Variants in FOXD3 observed in about 807,000 individuals in gnomAD.
FOXD3 encodes forkhead box protein D3.
In FOXD3, 3 loss-of-function variants were observed where a neutral mutation model predicts 3.6. The ratio of observed to expected loss-of-function variants is 0.84; its 90% confidence interval spans 0.38 to 2.18. FOXD3 has a LOEUF of 2.18. FOXD3 is among the 30% of genes most tolerant of loss of function. The pLI is 0.06. For synonymous variants in FOXD3, 391 were observed against 360.9 expected, an observed-to-expected ratio of 1.08 and a Z score of -0.94; for missense variants, 686 against 731.6, an observed-to-expected ratio of 0.94 and a Z score of 0.72.
Position 63,323,233 on chromosome 1 carries a change from G to T in FOXD3, c.175G>T (p.Asp59Tyr), listed in dbSNP as rs909824643. The change falls in exon 1 of 1, where the codon GAC (aspartate) becomes TAC (tyrosine). Residue 59 changes from aspartate to tyrosine, a missense_variant. Physicochemically the swap from Asp to Tyr is radical, Grantham distance 160 (BLOSUM62 -3). Coordinates refer to ENST00000371116, the MANE Select transcript of FOXD3 (RefSeq NM_012183.3). The surrounding 1 kb of genome is among the most constrained non-coding windows in gnomAD (Gnocchi z 6.8). Reference protein sequence around the residue: ...GPPELRLDEADEVPPAAPHHG... With the variant: ...GPPELRLDEAYEVPPAAPHHG... ...GCCGGAGCTGCGCCTGGACGAGGCG[G>T]ACGAGGTGCCCCCGGCGGCACCCCA... 3 of 1,525,682 alleles carry T rather than the reference G, an allele frequency of 2.0e-6. No individual in the cohort carries two copies. Among genetic ancestry groups the T allele is most frequent in the Non-Finnish European group, 2.6e-6 (3 of 1,137,292 alleles). The allele number at this position is 1,525,682 out of a possible 1,614,324, so 94.5% of individuals were successfully genotyped here.
chr1:63,322,951 ATC>A lies in FOXD3; in HGVS notation c.-106_-105del. ...GCCCCCTCCCCTCTCCCTGCCCCCC[ATC>A]TTTCGGGGGCACTCAAACCCTCTTC... On this transcript the variant is annotated 5_prime_UTR_variant, in exon 1 of 1. Coordinates refer to ENST00000371116, the MANE Select transcript of FOXD3 (RefSeq NM_012183.3). 1 of 1,394,442 alleles carries A rather than the reference ATC, an allele frequency of 7.2e-7. No individual in the cohort carries two copies. The highest frequency in any genetic ancestry group is 9.3e-7 in the Non-Finnish European group (1 of 1,077,978). 86.4% of individuals were successfully genotyped at this position (1,394,442 alleles called of 1,614,324 possible).
rs374048887 is a variant in FOXD3, at chr1:63,323,249, C to T, written c.191C>T (p.Ala64Val). ...GACGAGGCGGACGAGGTGCCCCCGG[C>T]GGCACCCCATCACGGACAGCCTCAG... is the stretch of plus-strand genomic sequence containing the variant. ...RLDEADEVPP[A>V]APHHGQPQPP... is the part of the protein sequence containing the mutation. The change falls in exon 1 of 1, where the codon GCG becomes GTG. Residue 64 changes from alanine to valine, a missense_variant. Ala to Val is a moderately conservative substitution (Grantham distance 64, BLOSUM62 0). Transcript: ENST00000371116. This position sits in a 1 kb window ranked among gnomAD's most constrained non-coding sequence, Gnocchi z 6.8. The T allele has an allele frequency of 7.2e-6, 11 of 1,520,136 alleles. No homozygotes were observed. In the East Asian group the frequency reaches 1.4e-4, roughly 19 times the overall value. 94.2% of individuals were successfully genotyped at this position (1,520,136 alleles called of 1,614,324 possible).
chr1:63,323,949 T>TGCG lies in FOXD3; in HGVS notation c.898_900dup (p.Ala300dup). The TGCG allele has an allele frequency of 8.0e-7, 1 of 1,242,728 alleles. No homozygotes were observed. The highest frequency in any genetic ancestry group is 3.4e-5 in the East Asian group (1 of 29,220). The allele number at this position is 1,242,728 out of a possible 1,614,324, so 77.0% of individuals were successfully genotyped here. ...CGGCAGCGGCGGCGGCCGCGGCTGC[T>TGCG]GCGGCGGCGCTCCAGTACCCGTACG... On this transcript the variant is annotated inframe_insertion, in exon 1 of 1. Coordinates refer to ENST00000371116, the MANE Select transcript of FOXD3 (RefSeq NM_012183.3). This position sits in a 1 kb window ranked among gnomAD's most constrained non-coding sequence, Gnocchi z 6.8.
In FOXD3 at chr1:63,323,301, G is replaced by A. The variant is rs1438888473; in HGVS notation, c.243G>A (p.Leu81=). The A allele has an allele frequency of 4.3e-6, 6 of 1,410,610 alleles. No individual in the cohort carries two copies. The highest frequency in any genetic ancestry group is 5.5e-6 in the Non-Finnish European group (6 of 1,086,346). The allele number at this position is 1,410,610 out of a possible 1,614,324, so 87.4% of individuals were successfully genotyped here. ...PQPPHQQPLT[L]PKEAAGAGAG... ...CGCCCCACCAGCAGCCCCTGACATT[G>A]CCCAAGGAGGCGGCCGGAGCCGGGG... Residue 81 remains leucine, a synonymous_variant, in exon 1 of 1, where the codon TTG becomes TTA. Transcript: ENST00000371116. This position sits in a 1 kb window ranked among gnomAD's most constrained non-coding sequence, Gnocchi z 6.8.
At position 63,323,982 on chromosome 1, in the gene FOXD3, G is replaced by T; in HGVS notation, c.924G>T (p.Pro308=). ...CGCTCCAGTACCCGTACGCGCTGCCGCCGGTGGCACCGGTGCTGCCTCCCG... is the reference window on the plus strand; with the variant it reads ...CGCTCCAGTACCCGTACGCGCTGCCTCCGGTGGCACCGGTGCTGCCTCCCG... ...AAALQYPYAL[P]PVAPVLPPAV... Residue 308 remains proline, a synonymous_variant, in exon 1 of 1, where the codon CCG becomes CCT. Coordinates refer to ENST00000371116, the MANE Select transcript of FOXD3 (RefSeq NM_012183.3). This position sits in a 1 kb window ranked among gnomAD's most constrained non-coding sequence, Gnocchi z 6.8. The T allele has an allele frequency of 7.8e-6, 10 of 1,274,992 alleles. No individual in the cohort carries two copies. Among genetic ancestry groups the T allele is most frequent in the Non-Finnish European group, 9.8e-6 (10 of 1,015,822 alleles). The allele number at this position is 1,274,992 out of a possible 1,614,324, so 79.0% of individuals were successfully genotyped here.
chr1:63,323,409 C>G lies in FOXD3; in HGVS notation c.351C>G (p.Gly117=). Residue 117 remains glycine, a synonymous_variant, in exon 1 of 1, where the codon GGC becomes GGG. Coordinates refer to ENST00000371116, the MANE Select transcript of FOXD3 (RefSeq NM_012183.3). This position sits in a 1 kb window ranked among gnomAD's most constrained non-coding sequence, Gnocchi z 6.8. ...GCGGCGAGGAGGGCGGCGCGAGCGG[C>G]GGCGGGCCTGGCGCGGGCAGCGGTT... is the stretch of plus-strand genomic sequence containing the variant. ...GVGGEEGGAS[G]GGPGAGSGSA... is the part of the protein sequence containing the mutation. The G allele has an allele frequency of 6.7e-7, 1 of 1,482,572 alleles. No individual in the cohort carries two copies. The highest frequency in any genetic ancestry group is 8.9e-7 in the Non-Finnish European group (1 of 1,121,024). 91.8% of individuals were successfully genotyped at this position (1,482,572 alleles called of 1,614,324 possible). A position where few individuals can be genotyped will look rare whatever the true frequency, so the allele number is the denominator to read the frequency against.
In FOXD3 at chr1:63,324,483, G is replaced by A. The variant is rs1647060334; in HGVS notation, c.1425G>A (p.Trp475Ter). ...CTGCGGCCGCCGCTCAAGCCAAATG[G>A]CCGGCGCAATAGGGACGCGCCAATG... ...AAAAAAAQAK[W>*]PAQ is the part of the protein sequence containing the mutation. The change falls in exon 1 of 1, where the codon TGG (tryptophan) becomes TGA (stop). Residue 475 changes from tryptophan to a stop codon, truncating the protein, a stop_gained. Coordinates refer to ENST00000371116, the MANE Select transcript of FOXD3 (RefSeq NM_012183.3). LOFTEE classifies it high-confidence loss of function. The surrounding 1 kb of genome is among the most constrained non-coding windows in gnomAD (Gnocchi z 4.1). The A allele has an allele frequency of 1.3e-6, 2 of 1,538,770 alleles. No homozygotes were observed. Among genetic ancestry groups the A allele is most frequent in the Non-Finnish European group, 1.7e-6 (2 of 1,148,142 alleles).
Position 63,323,928 on chromosome 1 carries a change from AGCGGCGGCGGCCGCGGCTGCT to A in FOXD3, c.880_900del (p.Ala294_Ala300del), listed in dbSNP as rs1375394513. 1.8e-5 allele frequency: 23 copies of A among 1,252,190 alleles called. 1 individual carries two copies. The East Asian group carries it at 2.7e-4, about 14-fold the overall frequency. 77.6% of individuals were successfully genotyped at this position (1,252,190 alleles called of 1,614,324 possible). ...CGGCCGGTGCCTATTCGCACCCGGC[AGCGGCGGCGGCCGCGGCTGCT>A]GCGGCGGCGCTCCAGTACCCGTACG... On this transcript the variant is annotated inframe_deletion, in exon 1 of 1. Transcript: ENST00000371116. The surrounding 1 kb of genome is among the most constrained non-coding windows in gnomAD (Gnocchi z 6.8).
Position 63,324,044 on chromosome 1 carries a change from A to C in FOXD3, c.986A>C (p.Lys329Thr). 7.2e-7 allele frequency: 1 copy of C among 1,382,850 alleles called. No individual in the cohort carries two copies. Among genetic ancestry groups the C allele is most frequent in the Non-Finnish European group, 9.3e-7 (1 of 1,075,858 alleles). The allele number at this position is 1,382,850 out of a possible 1,614,324, so 85.7% of individuals were successfully genotyped here. A position where few individuals can be genotyped will look rare whatever the true frequency, so the allele number is the denominator to read the frequency against. Residue 329 changes from lysine to threonine, a missense_variant, in exon 1 of 1, where the codon AAA (lysine) becomes ACA (threonine). This residue lies in a region of FOXD3 where 370 missense variants were observed against 372.3 expected (regional missense o/e 0.99). Transcript: ENST00000371116. This position sits in a 1 kb window ranked among gnomAD's most constrained non-coding sequence, Gnocchi z 4.1. Reference sequence around the variant, plus strand: ...CTGCCCTCGGGCGAGCTGGGCCGCAAAGCGGCCGCCTTCGGCTCACAGCTC... The same window carrying C: ...CTGCCCTCGGGCGAGCTGGGCCGCACAGCGGCCGCCTTCGGCTCACAGCTC... ...PLLPSGELGR[K>T]AAAFGSQLGP...
chr1:63,322,904 A>G lies in FOXD3; in HGVS notation c.-155A>G. On this transcript the variant is annotated 5_prime_UTR_variant, in exon 1 of 1. Coordinates refer to ENST00000371116, the MANE Select transcript of FOXD3 (RefSeq NM_012183.3). ...GGGCCGCCGAGTGTGAGCTGAGCCC[A>G]GCGGGCCCCAAGCCACCTGCGGCCC... 2 of 1,386,740 alleles carry G rather than the reference A, an allele frequency of 1.4e-6. No homozygotes were observed. Among genetic ancestry groups the G allele is most frequent in the Non-Finnish European group, 1.9e-6 (2 of 1,077,114 alleles). The allele number at this position is 1,386,740 out of a possible 1,614,324, so 85.9% of individuals were successfully genotyped here.
Position 63,323,993 on chromosome 1 carries a change from C to A in FOXD3, c.935C>A (p.Pro312Gln), listed in dbSNP as rs1647052668. 4 of 1,292,262 alleles carry A rather than the reference C, an allele frequency of 3.1e-6. No individual in the cohort carries two copies. Among genetic ancestry groups the A allele is most frequent in the Non-Finnish European group, 3.9e-6 (4 of 1,024,866 alleles). 80.0% of individuals were successfully genotyped at this position (1,292,262 alleles called of 1,614,324 possible). Residue 312 changes from proline to glutamine, a missense_variant, in exon 1 of 1, where the codon CCG becomes CAG. By Grantham distance (76) the Pro-to-Gln change is moderately conservative. This residue lies in a region of FOXD3 where 370 missense variants were observed against 372.3 expected (regional missense o/e 0.99). Transcript: ENST00000371116. This position sits in a 1 kb window ranked among gnomAD's most constrained non-coding sequence, Gnocchi z 6.8. Reference protein sequence around the residue: ...QYPYALPPVAPVLPPAVPLLP... With the variant: ...QYPYALPPVAQVLPPAVPLLP... ...CCGTACGCGCTGCCGCCGGTGGCAC[C>A]GGTGCTGCCTCCCGCTGTGCCGCTG... is the stretch of plus-strand genomic sequence containing the variant.
chr1:63,324,108 C>A lies in FOXD3; in HGVS notation c.1050C>A (p.Ala350=). ...AGCTGCAGCTCAATAGCCTGGGCGC[C>A]GCCGCGGCCGCTGCGGGCACAGCGG... ...GLQLQLNSLG[A]AAAAAGTAGA... Residue 350 remains alanine, a synonymous_variant, in exon 1 of 1, where the codon GCC becomes GCA. Transcript: ENST00000371116. This position sits in a 1 kb window ranked among gnomAD's most constrained non-coding sequence, Gnocchi z 4.1. The A allele has an allele frequency of 7.0e-7, 1 of 1,430,346 alleles. No homozygotes were observed. Among genetic ancestry groups the A allele is most frequent in the Non-Finnish European group, 9.0e-7 (1 of 1,105,218 alleles). 88.6% of individuals were successfully genotyped at this position (1,430,346 alleles called of 1,614,324 possible).
rs1367454345 is a variant in FOXD3, at chr1:63,324,648, A to ACGC, written c.*155_*157dup. On this transcript the variant is annotated 3_prime_UTR_variant, in exon 1 of 1. Transcript: ENST00000371116. The surrounding 1 kb of genome is among the most constrained non-coding windows in gnomAD (Gnocchi z 4.1). ...CAATTTCCTTTCCCCTGAGCCCCCA[A>ACGC]CGCCTACCTTCCGCGGCCTCCATCC... 9.4e-6 allele frequency: 6 copies of ACGC among 635,898 alleles called. No individual in the cohort carries two copies. Among genetic ancestry groups the ACGC allele is most frequent in the Non-Finnish European group, 1.6e-5 (6 of 364,854 alleles). 39.4% of individuals were successfully genotyped at this position (635,898 alleles called of 1,614,324 possible).
Position 63,322,636 on chromosome 1 carries a change from C to T in FOXD3, c.-423C>T. 1 of 954,816 alleles carries T rather than the reference C, an allele frequency of 1.0e-6. No individual in the cohort carries two copies. The highest frequency in any genetic ancestry group is 1.2e-6 in the Non-Finnish European group (1 of 802,092). 59.1% of individuals were successfully genotyped at this position (954,816 alleles called of 1,614,324 possible). ...CACCCAGCCCCCTGCCCCCCCGCTA[C>T]TGTCCCTGCCCGCGCCCTCCCGAGC... On this transcript the variant is annotated 5_prime_UTR_variant, in exon 1 of 1. Coordinates refer to ENST00000371116, the MANE Select transcript of FOXD3 (RefSeq NM_012183.3).
rs772474698 is a variant in FOXD3, at chr1:63,323,655, C to T, written c.597C>T (p.Phe199=). 1.2e-6 allele frequency: 2 copies of T among 1,614,044 alleles called. No individual in the cohort carries two copies. Among genetic ancestry groups the T allele is most frequent in the East Asian group, 2.2e-5 (1 of 44,846 alleles). Residue 199 remains phenylalanine, a synonymous_variant, in exon 1 of 1, where the codon TTC becomes TTT. Transcript: ENST00000371116. The surrounding 1 kb of genome is among the most constrained non-coding windows in gnomAD (Gnocchi z 6.8). ...IRHNLSLNDC[F]VKIPREPGNP... is the part of the protein sequence containing the mutation. The stretch of plus-strand genomic sequence containing the variant: ...ACAACCTCTCACTCAACGACTGCTT[C>T]GTCAAGATCCCCCGCGAGCCGGGCA...
chr1:63,324,456 T>G lies in FOXD3; in HGVS notation c.1398T>G (p.Ala466=). The change falls in exon 1 of 1, where the codon GCT becomes GCG. Residue 466 remains alanine (A), a synonymous_variant. Transcript: ENST00000371116. The surrounding 1 kb of genome is among the most constrained non-coding windows in gnomAD (Gnocchi z 4.1). Reference sequence around the variant, plus strand: ...AGCCCGCAGCCTCGGCCGCCGCCGCTGCTGCGGCCGCCGCTCAAGCCAAAT... The same window carrying G: ...AGCCCGCAGCCTCGGCCGCCGCCGCGGCTGCGGCCGCCGCTCAAGCCAAAT... ...FLQPAASAAA[A]AAAAAQAKWP... The G allele has an allele frequency of 6.5e-7, 1 of 1,537,872 alleles. No homozygotes were observed. The highest frequency in any genetic ancestry group is 1.4e-5 in the African/African-American group (1 of 72,998).
chr1:63,323,211 G>T lies in FOXD3; in HGVS notation c.153G>T (p.Pro51=). 1 of 1,537,218 alleles carries T rather than the reference G, an allele frequency of 6.5e-7. No homozygotes were observed. Among genetic ancestry groups the T allele is most frequent in the Non-Finnish European group, 8.7e-7 (1 of 1,143,076 alleles). Residue 51 remains proline (P), a synonymous_variant, in exon 1 of 1, where the codon CCG becomes CCT. Coordinates refer to ENST00000371116, the MANE Select transcript of FOXD3 (RefSeq NM_012183.3). This position sits in a 1 kb window ranked among gnomAD's most constrained non-coding sequence, Gnocchi z 6.8. ...DAGCDSPAGP[P]ELRLDEADEV... The stretch of plus-strand genomic sequence containing the variant: ...GTTGCGATAGCCCCGCGGGGCCGCC[G>T]GAGCTGCGCCTGGACGAGGCGGACG...
rs755510236 is a variant in FOXD3, at chr1:63,323,097, C to A, written c.39C>A (p.Ser13=). The stretch of plus-strand genomic sequence containing the variant: ...GCGGCGGCAGCGCCAGCGACATGTC[C>A]GGCCAGACGGTGCTGACGGCCGAGG... The part of the protein sequence containing the change: ...LSGGGSASDM[S]GQTVLTAEDV... Residue 13 remains serine (S), a synonymous_variant, in exon 1 of 1, where the codon TCC becomes TCA. Transcript: ENST00000371116. This position sits in a 1 kb window ranked among gnomAD's most constrained non-coding sequence, Gnocchi z 6.8. The A allele has an allele frequency of 6.4e-7, 1 of 1,562,234 alleles. No individual in the cohort carries two copies. Among genetic ancestry groups the A allele is most frequent in the South Asian group, 1.2e-5 (1 of 85,476 alleles).
In FOXD3 at chr1:63,324,321, G is replaced by T. The variant is rs1462971326; in HGVS notation, c.1263G>T (p.Gly421=). Reference sequence around the variant, plus strand: ...CGCAGTCGTTTCTGCGGCCACCCGGGACCGTGCAGTCGGCAGCGCTCATGG... The same window carrying T: ...CGCAGTCGTTTCTGCGGCCACCCGGTACCGTGCAGTCGGCAGCGCTCATGG... ...STAQSFLRPP[G]TVQSAALMAT... The change falls in exon 1 of 1, where the codon GGG becomes GGT. Residue 421 remains glycine (G), a synonymous_variant. Transcript: ENST00000371116. This position sits in a 1 kb window ranked among gnomAD's most constrained non-coding sequence, Gnocchi z 4.1. The T allele has an allele frequency of 6.3e-7, 1 of 1,576,932 alleles. No individual in the cohort carries two copies. The highest frequency in any genetic ancestry group is 1.7e-5 in the Admixed American group (1 of 57,998).
Sources: allele counts gnomAD v4.1 joint callset, GRCh38; gene constraint gnomAD v4.1.1; regional missense constraint gnomAD v4.1.1; non-coding constraint Gnocchi (gnomAD v3.1); transcripts MANE v1.5; gene names NCBI Gene and HGNC (gene_info 2026-07-23, HGNC 2026-07-21).